Variants in ESRRG observed in about 807,000 individuals in gnomAD.
The protein encoded by ESRRG is estrogen-related receptor gamma.
In ESRRG, 13 loss-of-function variants were observed where a neutral mutation model predicts 44.0. That is an observed-to-expected ratio of 0.30 (90% CI 0.19 to 0.47). ESRRG has a LOEUF of 0.47. ESRRG is among the 20% of genes least tolerant of loss of function. ESRRG has a pLI of 1.00. For missense variants in ESRRG, 395 were observed against 580.6 expected (o/e 0.68, Z 3.29); for synonymous variants, 215 against 214.6 (o/e 1.00, Z -0.02).
At chr1:216,879,310 G>A (rs1236192766) in intron 2 of ESRRG, among the ~76,000 whole-genome samples, 2 of 152,106 alleles carry the variant, frequency 1.3e-5, no homozygotes, top group East Asian at 1.9e-4. Flanking sequence ...AAACAGTGCT[G>A]ACTTCCTGTC....
upstream of ESRRG, among the ~76,000 whole-genome samples, chr1:217,091,236 C>T (rs1297048625): frequency 2.0e-5 from 3 of 152,142 alleles, no homozygotes; most frequent in African/African-American, 7.2e-5. Context: ...TTGGTGGAGT[C>T]ACTGTTCCTA....
chr1:216,944,558 ATCCCTT>A (rs2065769882), intron 1 of ESRRG, among the ~76,000 whole-genome samples: 2 of 152,290 alleles, frequency 1.3e-5, no homozygotes, highest in East Asian at 3.9e-4. Context: ...TTGGTTTATC[ATCCCTT>A]TCCCTGGAGA....
chr1:217,034,081 C>A (rs2082469441), intron 1 of ESRRG, among the ~76,000 whole-genome samples: 1 of 152,100 alleles, frequency 6.6e-6, no homozygotes, highest in African/African-American at 2.4e-5. Flanking sequence ...TCTGAAGAGC[C>A]AGACAAGTTC....
chr1:216,977,126 G>T (rs1206223016), intron 1 of ESRRG, among the ~76,000 whole-genome samples: 3 of 151,926 alleles, frequency 2.0e-5, no homozygotes, highest in Non-Finnish European at 2.9e-5. Context: ...GAGTCTTATT[G>T]GAGCAAGTAA....
chr1:216,795,689 A>C (rs1010434362), intron 2 of ESRRG, among the ~76,000 whole-genome samples: 7 of 152,048 alleles, frequency 4.6e-5, no homozygotes, highest in Admixed American at 4.6e-4. Context: ...TTCTAGGAAA[A>C]CAAAGGCATT....
intron 1 of ESRRG, among the ~76,000 whole-genome samples, chr1:217,057,232 A>G (rs2087311340): frequency 6.6e-6 from 1 of 152,140 alleles, no homozygotes; most frequent in Non-Finnish European, 1.5e-5. Flanking sequence ...TACCATATCT[A>G]CCATATTTTT....
chr1:216,976,527 TC>T (rs2072947415), intron 1 of ESRRG, among the ~76,000 whole-genome samples: 1 of 152,146 alleles, frequency 6.6e-6, no homozygotes, highest in African/African-American at 2.4e-5. Flanking sequence ...TAACCCAGTG[TC>T]TCCATAGGTC....
intron 5 of ESRRG, among the ~76,000 whole-genome samples, chr1:216,551,970 T>A (rs1179476303): frequency 6.6e-6 from 1 of 152,048 alleles, no homozygotes; most frequent in African/African-American, 2.4e-5. Flanking sequence ...CTCTACTATA[T>A]CTCTCTGCAC....
chr1:216,989,351 C>T (rs192752695), intron 1 of ESRRG, among the ~76,000 whole-genome samples: 2 of 143,380 alleles, frequency 1.4e-5, no homozygotes, highest in African/African-American at 5.2e-5. Flanking sequence ...ACTCAGGAGG[C>T]TGAAGTGAAA....
At chr1:216,674,096 T>TGGGTTAACAA (rs1301880844) in intron 2 of ESRRG, among the ~76,000 whole-genome samples, 1 of 152,212 alleles carries the variant, frequency 6.6e-6, no homozygotes. Flanking sequence ...AAAATCAAAT[T>TGGGTTAACAA]AATAACAGTT....
intron 2 of ESRRG, among the ~76,000 whole-genome samples, chr1:216,661,805 C>T (rs1350236602): frequency 6.6e-6 from 1 of 152,142 alleles, no homozygotes; most frequent in Admixed American, 6.6e-5. Context: ...CAAATATCTG[C>T]ATCCTCTAAA....
Position 216,888,797 on chromosome 1 carries a change from C to T in ESRRG, c.-14+50785G>A, listed in dbSNP as rs1166287260. On this transcript the variant is annotated intron_variant, in intron 2 of 7. Transcript: ENST00000359162. ...ATAGATGTGACTGAGAAAGCGTTTA[C>T]GTTCTCAGGGCTAGAGTTCACTGTG... 2.0e-5 allele frequency among the ~76,000 whole-genome samples: 3 copies of T among 152,108 alleles called. 1 individual carries two copies. Among genetic ancestry groups the T allele is most frequent in the South Asian group, 4.1e-4 (2 of 4,830 alleles).
At chr1:216,694,614 T>C (rs956850771) in intron 1 of ESRRG, among the ~76,000 whole-genome samples, 4 of 152,194 alleles carry the variant, frequency 2.6e-5, no homozygotes, top group African/African-American at 9.6e-5. Flanking sequence ...TGGAGTGCAG[T>C]GGCGTGATCA....
At chr1:216,741,436 G>A (rs920990893) in intron 2 of ESRRG, among the ~76,000 whole-genome samples, 1 of 86,536 alleles carries the variant, frequency 1.2e-5, no homozygotes, top group African/African-American at 4.7e-5. Context: ...CCCCGCCCCT[G>A]CACACACCCC....
At chr1:216,661,169 G>A (rs565379170) in intron 2 of ESRRG, among the ~76,000 whole-genome samples, 1 of 152,250 alleles carries the variant, frequency 6.6e-6, no homozygotes, top group East Asian at 1.9e-4. Context: ...AGTGTAAAAT[G>A]CATATCCTAC....
chr1:216,522,579 G>A (rs2148969862), intron 5 of ESRRG, among the ~76,000 whole-genome samples: 1 of 152,126 alleles, frequency 6.6e-6, no homozygotes, highest in East Asian at 1.9e-4. Context: ...AGACAGCCTT[G>A]TTATAAGATA....
At chr1:216,594,200 G>A (rs1329671378) in intron 3 of ESRRG, among the ~76,000 whole-genome samples, 1 of 152,048 alleles carries the variant, frequency 6.6e-6, no homozygotes, top group Non-Finnish European at 1.5e-5. Flanking sequence ...TAAAATGGGG[G>A]TAAAAATACT....
intron 2 of ESRRG, among the ~76,000 whole-genome samples, chr1:216,775,518 T>C (rs945192596): frequency 6.9e-6 from 1 of 144,502 alleles, no homozygotes; most frequent in African/African-American, 2.5e-5. Context: ...CCTGACAGCA[T>C]GGAGTCTTTC....
intron 5 of ESRRG, among the ~76,000 whole-genome samples, chr1:216,527,323 C>A (rs545372430): frequency 2.6e-5 from 4 of 152,272 alleles, no homozygotes; most frequent in Non-Finnish European, 1.5e-5. Flanking sequence ...AGCATCCTTA[C>A]CAAAATCCTT....
Sources: allele counts gnomAD v4.1 joint callset (sites outside exome capture counted in the v4.1 genomes callset), GRCh38; gene constraint gnomAD v4.1.1; transcripts MANE v1.5; gene names NCBI Gene and HGNC (gene_info 2026-07-23, HGNC 2026-07-21).